The following ZCCHC14 variants were observed in gnomAD, a reference collection of about 807,000 sequenced individuals.
ZCCHC14 encodes zinc finger CCHC domain-containing protein 14.
Under a neutral mutation model 85.0 loss-of-function variants are expected in ZCCHC14, and 16 were observed. That is an observed-to-expected ratio of 0.19 (90% CI 0.13 to 0.29). The LOEUF (loss-of-function observed/expected upper bound fraction) is 0.29. Among genes scored for constraint, ZCCHC14 ranks in the 10% least tolerant of loss-of-function variants. The probability of loss-of-function intolerance (pLI) is 1.00; values close to 1 mark genes in which losing one functional copy is unlikely to be tolerated. For missense variants in ZCCHC14, 1,303 were observed against 1,443.5 expected, an observed-to-expected ratio of 0.90 and a Z score of 1.58; for synonymous variants, 775 against 630.7, an observed-to-expected ratio of 1.23 and a Z score of -3.43.
In ZCCHC14 at chr16:87,492,942, C is replaced by G. The variant is rs1475374252; in HGVS notation, c.-704G>C. Reference sequence around the variant, plus strand: ...GCGGCGACGGCGACGGCGACGGCGACGGCGACGGCGGAGGAGGCGCCGGCC... The same window carrying G: ...GCGGCGACGGCGACGGCGACGGCGAGGGCGACGGCGGAGGAGGCGCCGGCC... On this transcript the variant is annotated 5_prime_UTR_variant, in exon 1 of 13. Transcript: ENST00000671377. This position sits in a 1 kb window ranked among gnomAD's most constrained non-coding sequence, Gnocchi z 6.7. Among the ~76,000 whole-genome samples, 2 of 149,388 alleles carry G rather than the reference C, an allele frequency of 1.3e-5. No homozygotes were observed. The highest frequency in any genetic ancestry group is 5.0e-5 in the African/African-American group (2 of 40,222).
chr16:87,457,370 T>G (rs534340305), intron 2 of ZCCHC14, among the ~76,000 whole-genome samples: 118 of 152,362 alleles, frequency 7.7e-4, no homozygotes, highest in African/African-American at 2.6e-3. Flanking sequence ...AGCTCTGGCT[T>G]TGAATCCCAG....
chr16:87,441,025 A>C (rs947270061), intron 2 of ZCCHC14, among the ~76,000 whole-genome samples: 1 of 145,400 alleles, frequency 6.9e-6, no homozygotes, highest in Non-Finnish European at 1.5e-5. Context: ...TTTTTTGGAG[A>C]TAGAGTTTCG....
At chr16:87,451,001 C>A (rs1021049720) in intron 2 of ZCCHC14, among the ~76,000 whole-genome samples, 1 of 152,022 alleles carries the variant, frequency 6.6e-6, no homozygotes, top group African/African-American at 2.4e-5. Context: ...TGGGTTCAAG[C>A]GATTCTCCTG....
At chr16:87,482,481 C>A (rs1273562406) in intron 1 of ZCCHC14, among the ~76,000 whole-genome samples, 1 of 152,210 alleles carries the variant, frequency 6.6e-6, no homozygotes, top group Non-Finnish European at 1.5e-5. Context: ...GCAGAAGCCA[C>A]CATCCGGGGC....
Position 87,488,580 on chromosome 16 carries a change from T to A in ZCCHC14, c.570+3089A>T, listed in dbSNP as rs191181899. 8.1e-4 allele frequency among the ~76,000 whole-genome samples: 124 copies of A among 152,248 alleles called. No homozygotes were observed. The East Asian group carries it at 0.017, about 20-fold the overall frequency. On this transcript the variant is annotated intron_variant, in intron 1 of 12. Coordinates refer to ENST00000671377, the MANE Select transcript of ZCCHC14 (RefSeq NM_015144.3). ...TCGGAAAATACAGTTAAAATAAATT[T>A]AAAAAAAATTTTTTGAGACACAGTC...
In ZCCHC14 at chr16:87,414,508, C is replaced by T. The variant is rs779590270; in HGVS notation, c.1509G>A (p.Ser503=). The change falls in exon 10 of 13, where the codon TCG becomes TCA. Residue 503 remains serine, a synonymous_variant. Transcript: ENST00000671377. ...EKSERRCLNP[S]APPLVTSSGV... is the part of the protein sequence containing the mutation. Reference sequence around the variant, plus strand: ...CACTGCTGGTGACCAGCGGCGGGGCCGAGGGGTTCAGGCACCGTCTCTCTG... The same window carrying T: ...CACTGCTGGTGACCAGCGGCGGGGCTGAGGGGTTCAGGCACCGTCTCTCTG... The T allele has an allele frequency of 5.6e-6, 9 of 1,612,814 alleles. No homozygotes were observed. The highest frequency in any genetic ancestry group is 1.1e-5 in the South Asian group (1 of 90,994).
chr16:87,428,188 C>T (rs1909471734), intron 3 of ZCCHC14, among the ~76,000 whole-genome samples: 1 of 152,180 alleles, frequency 6.6e-6, no homozygotes, highest in Non-Finnish European at 1.5e-5. Context: ...AATCCAGTTA[C>T]TTATATCTTC....
rs762377619 is a variant in ZCCHC14, at chr16:87,414,451, G to A, written c.1566C>T (p.Val522=). 1.7e-5 allele frequency: 27 copies of A among 1,613,188 alleles called. No homozygotes were observed. Among genetic ancestry groups the A allele is most frequent in the East Asian group, 6.7e-5 (3 of 44,874 alleles). The change falls in exon 10 of 13, where the codon GTC becomes GTT. Residue 522 remains valine (V), a synonymous_variant. Transcript: ENST00000671377. ...GVARVPPTSH[V]GPVQSGRGSH... is the part of the protein sequence containing the mutation. ...TGCCCCGCCCCGACTGCACGGGCCC[G>A]ACGTGGCTGGTGGGGGGCACTCGAG...
chr16:87,425,561 A>T (rs988292653), intron 3 of ZCCHC14, among the ~76,000 whole-genome samples: 3 of 151,618 alleles, frequency 2.0e-5, no homozygotes, highest in Non-Finnish European at 2.9e-5. Flanking sequence ...GGGCAACAAG[A>T]GCGAAACTCT....
chr16:87,430,592 G>T (rs145536714), intron 3 of ZCCHC14, among the ~76,000 whole-genome samples: 2,509 of 151,654 alleles, frequency 0.017, 25 homozygotes, highest in Middle Eastern at 0.044. Context: ...TACAATCTCG[G>T]CTCACTGCAA....
intron 1 of ZCCHC14, chr16:87,467,041 A>AT (rs1249991648): frequency 2.4e-6 from 1 of 410,244 alleles, no homozygotes; most frequent in African/African-American, 2.2e-5. Context: ...GAAAAAAAAA[A>AT]ATTGTTTTTT....
intron 2 of ZCCHC14, among the ~76,000 whole-genome samples, chr16:87,450,847 C>T (rs938161204): frequency 2.0e-5 from 3 of 151,352 alleles, no homozygotes; most frequent in Non-Finnish European, 4.4e-5. Flanking sequence ...TGAGCCACTG[C>T]GCATGGTCTG....
chr16:87,426,281 C>A (rs973716787), intron 3 of ZCCHC14, among the ~76,000 whole-genome samples: 3 of 152,210 alleles, frequency 2.0e-5, no homozygotes, highest in African/African-American at 7.2e-5. Flanking sequence ...CTTGTCATAC[C>A]TGCCTGACCC....
At chr16:87,487,419 C>G (rs1912557646) in intron 1 of ZCCHC14, among the ~76,000 whole-genome samples, 1 of 152,240 alleles carries the variant, frequency 6.6e-6, no homozygotes, top group African/African-American at 2.4e-5. Flanking sequence ...CCCTGCCCAC[C>G]AGGCCCTGCT....
chr16:87,431,066 G>A (rs1405907397), intron 3 of ZCCHC14, among the ~76,000 whole-genome samples: 1 of 152,090 alleles, frequency 6.6e-6, no homozygotes, highest in Non-Finnish European at 1.5e-5. Context: ...TTAAGCCCAG[G>A]AGATCGAGGC....
chr16:87,422,372 A>C (rs1909145301), intron 4 of ZCCHC14, among the ~76,000 whole-genome samples: 1 of 152,152 alleles, frequency 6.6e-6, no homozygotes. Context: ...GTGCCGCCAG[A>C]GTCCAGGAGA....
intron 1 of ZCCHC14, among the ~76,000 whole-genome samples, chr16:87,478,718 T>C (rs1205237374): frequency 1.3e-5 from 2 of 152,190 alleles, no homozygotes; most frequent in African/African-American, 2.4e-5. Context: ...ACAATTCTCC[T>C]GCCTCAGCCT....
intron 3 of ZCCHC14, among the ~76,000 whole-genome samples, chr16:87,424,562 G>A (rs536299785): frequency 2.0e-5 from 3 of 152,156 alleles, no homozygotes; most frequent in Non-Finnish European, 4.4e-5. Flanking sequence ...ATGGCTCCAC[G>A]GAGGTCCATC....
chr16:87,419,940 A>G (rs1567512794), intron 5 of ZCCHC14, 63 bp from the exon 6 acceptor site: 5 of 1,414,756 alleles, frequency 3.5e-6, no homozygotes, highest in South Asian at 1.3e-5. Context: ...GAATTGAAAG[A>G]AAAAAATTTA....
Sources: gnomAD v4.1 joint callset for allele counts (sites outside exome capture counted in the v4.1 genomes callset) on GRCh38, gnomAD v4.1.1 for gene constraint, Gnocchi (gnomAD v3.1) non-coding constraint, MANE v1.5 for transcripts, NCBI Gene and HGNC (gene_info 2026-07-23, HGNC 2026-07-21) for gene names.